Variants in ANXA1 observed in about 807,000 individuals in gnomAD.
ANXA1 encodes annexin A1.
In ANXA1, 39 loss-of-function variants were observed where a neutral mutation model predicts 47.9. That is an observed-to-expected ratio of 0.81 (90% CI 0.63 to 1.06). ANXA1 has a LOEUF of 1.06. Among genes scored for constraint, ANXA1 ranks in the 50% least tolerant of loss-of-function variants. The pLI is 0.00. For missense variants in ANXA1, 446 were observed against 422.7 expected, an observed-to-expected ratio of 1.06 and a Z score of -0.48; for synonymous variants, 146 against 142.5, an observed-to-expected ratio of 1.02 and a Z score of -0.17.
At position 73,160,792 on chromosome 9, in the gene ANXA1, T is replaced by C. The variant is rs761810199; in HGVS notation, c.385-11T>C. ...TTTCTACATTTATCCTTTTCTTCTC[T>C]TCAAATTTAGGGCCTTGGAACTGAT... On this transcript the variant is annotated splice_polypyrimidine_tract_variant and intron_variant, in intron 5 of 12. Coordinates refer to ENST00000257497, the MANE Select transcript of ANXA1 (RefSeq NM_000700.3). 15 of 1,599,892 alleles carry C rather than the reference T, an allele frequency of 9.4e-6. No homozygotes were observed. In the South Asian group the frequency reaches 1.5e-4, roughly 16 times the overall value.
chr9:73,158,470 G>A (rs1394372853), intron 1 of ANXA1, 52 bp from the exon 2 acceptor site: 1 of 1,377,886 alleles, frequency 7.3e-7, no homozygotes. Context: ...GGAAGGAGAG[G>A]TTGTGTGTGG....
intron 11 of ANXA1, 95 bp downstream of exon 11, chr9:73,167,650 T>A: frequency 9.1e-7 from 1 of 1,101,828 alleles, no homozygotes; most frequent in Non-Finnish European, 1.3e-6. Flanking sequence ...TCACATTTAA[T>A]ATCTTCCCAT....
At chr9:73,169,486 A>G (rs1465583289) in intron 12 of ANXA1, among the ~76,000 whole-genome samples, 1 of 152,166 alleles carries the variant, frequency 6.6e-6, no homozygotes, top group African/African-American at 2.4e-5. Flanking sequence ...AGAGGATTAG[A>G]AACTCCTTAT....
Position 73,159,612 on chromosome 9 carries a change from A to T in ANXA1, c.270+189A>T. 3 of 480,914 alleles carry T rather than the reference A, an allele frequency of 6.2e-6. No homozygotes were observed. In the South Asian group the frequency reaches 7.9e-5, roughly 13 times the overall value. 29.8% of individuals were successfully genotyped at this position (480,914 alleles called of 1,614,324 possible). Reference sequence around the variant, plus strand: ...ATTTTATCAAATTTCCTATTTTTATACATTAGTCATCTTGGTGTATATTGT... The same window carrying T: ...ATTTTATCAAATTTCCTATTTTTATTCATTAGTCATCTTGGTGTATATTGT... On this transcript the variant is annotated intron_variant, in intron 4 of 12. Transcript: ENST00000257497.
Position 73,158,693 on chromosome 9 carries a change from A to G in ANXA1, c.67-2A>G. 6.2e-7 allele frequency: 1 copy of G among 1,613,784 alleles called. No individual in the cohort carries two copies. The highest frequency in any genetic ancestry group is 1.1e-5 in the South Asian group (1 of 91,086). On this transcript the variant is annotated splice_acceptor_variant, in intron 2 of 12. Transcript: ENST00000257497. LOFTEE classifies it high-confidence loss of function. ...ATTAATTTATTTCTCTCTCATTCTT[A>G]GCAAACTGTGAAGTCATCCAAAGGT...
At chr9:73,164,262 A>C (rs544102171) in intron 8 of ANXA1, among the ~76,000 whole-genome samples, 3 of 152,318 alleles carry the variant, frequency 2.0e-5, no homozygotes, top group Non-Finnish European at 2.9e-5. Flanking sequence ...TATCATGTAC[A>C]TAATAGGCAC....
At chr9:73,163,897 G>A (rs914907055) in intron 8 of ANXA1, among the ~76,000 whole-genome samples, 4 of 151,994 alleles carry the variant, frequency 2.6e-5, no homozygotes, top group African/African-American at 7.2e-5. Context: ...CATATTTAAC[G>A]TTATTTTTAA....
intron 8 of ANXA1, among the ~76,000 whole-genome samples, 196 bp downstream of exon 8, chr9:73,163,728 C>G (rs574778173): frequency 4.6e-5 from 7 of 152,076 alleles, no homozygotes; most frequent in Non-Finnish European, 1.0e-4. Flanking sequence ...TTCAATATCT[C>G]TCATTATTCG....
chr9:73,166,624 C>T (rs1015440543), intron 10 of ANXA1, among the ~76,000 whole-genome samples: 1 of 152,094 alleles, frequency 6.6e-6, no homozygotes, highest in Admixed American at 6.6e-5. Context: ...GAGTTGGCCT[C>T]TAAAAATCGG....
At chr9:73,168,355 C>T (rs1824266996) in intron 11 of ANXA1, 1 of 152,050 alleles carries the variant, frequency 6.6e-6, no homozygotes, top group African/African-American at 2.4e-5. Context: ...TACCTGGTGC[C>T]ATGGAAGAGA....
In ANXA1 at chr9:73,151,935, G is replaced by C. The variant is rs529145380; in HGVS notation, c.-15+11G>C. The stretch of plus-strand genomic sequence containing the variant: ...AAGGTAGAGATAAAGGTAAGTCTTG[G>C]TTTTCCTTTTAGTTAGTTTTGGTTG... On this transcript the variant is annotated intron_variant, in intron 1 of 12. Transcript: ENST00000257497. The C allele has an allele frequency of 2.0e-5, 3 of 152,138 alleles. No individual in the cohort carries two copies. The highest frequency in any genetic ancestry group is 2.0e-4 in the Admixed American group (3 of 15,294). 9.4% of individuals were successfully genotyped at this position (152,138 alleles called of 1,614,324 possible).
chr9:73,159,474 A>C (rs1260057277), intron 4 of ANXA1, 51 bp downstream of exon 4: 2 of 1,522,434 alleles, frequency 1.3e-6, no homozygotes, highest in Non-Finnish European at 1.8e-6. Context: ...AGTTATACTT[A>C]ACCATGGATT....
intron 9 of ANXA1, chr9:73,165,538 A>C (rs868148713): frequency 2.0e-4 from 34 of 169,464 alleles, no homozygotes; most frequent in Non-Finnish European, 2.3e-4. Flanking sequence ...AAAACAAAAA[A>C]AAAAAAACAA....
rs1459033497 is a variant in ANXA1 at position 73,162,940 on chromosome 9, G to A, written c.555+79G>A. Reference sequence around the variant, plus strand: ...TAGTCCATTTTGTGTTGCTATAAGGGAATATCTGAGGCTAGGTAATTTTTA... The same window carrying A: ...TAGTCCATTTTGTGTTGCTATAAGGAAATATCTGAGGCTAGGTAATTTTTA... On this transcript the variant is annotated intron_variant, in intron 7 of 12. Coordinates refer to ENST00000257497, the MANE Select transcript of ANXA1 (RefSeq NM_000700.3). 3.6e-6 allele frequency: 4 copies of A among 1,121,054 alleles called. No individual in the cohort carries two copies. In the Admixed American group the frequency reaches 8.3e-5, roughly 23 times the overall value. The allele number at this position is 1,121,054 out of a possible 1,614,324, so 69.4% of individuals were successfully genotyped here.
intron 12 of ANXA1, among the ~76,000 whole-genome samples, chr9:73,169,727 A>T (rs895875333): frequency 6.6e-6 from 1 of 152,132 alleles, no homozygotes; most frequent in African/African-American, 2.4e-5. Flanking sequence ...TGGTGAGTGA[A>T]TCAGGTATCT....
intron 4 of ANXA1, 67 bp downstream of exon 4, chr9:73,159,490 G>T: frequency 7.2e-7 from 1 of 1,385,032 alleles, no homozygotes; most frequent in Non-Finnish European, 1.0e-6. Context: ...GGATTCGGAA[G>T]CACAGTTACC....
chr9:73,165,043 A>G, intron 8 of ANXA1, 73 bp from the exon 9 acceptor site: 1 of 1,232,742 alleles, frequency 8.1e-7, no homozygotes, highest in Non-Finnish European at 1.2e-6. Flanking sequence ...ATAATCTTTG[A>G]CAAGGTCTAA....
intron 8 of ANXA1, 150 bp from the exon 9 acceptor site, chr9:73,164,966 T>A: frequency 1.7e-6 from 1 of 581,130 alleles, no homozygotes; most frequent in East Asian, 3.0e-5. Flanking sequence ...AAGGTCCCTA[T>A]CTTTAAAGAA....
chr9:73,165,245 G>A lies in ANXA1; in HGVS notation c.706+36G>A, dbSNP rs760065766. On this transcript the variant is annotated intron_variant, in intron 9 of 12. Transcript: ENST00000257497. ...ATTTCTTTTTCTGGAATCTGTTTATGGAAGATGCAATTTTCTTTTTTGATG... is the reference window on the plus strand; with the variant it reads ...ATTTCTTTTTCTGGAATCTGTTTATAGAAGATGCAATTTTCTTTTTTGATG... 1.7e-5 allele frequency: 26 copies of A among 1,546,476 alleles called. No individual in the cohort carries two copies. In the African/African-American group the frequency reaches 3.0e-4, roughly 18 times the overall value.
Sources: gnomAD v4.1 joint callset for allele counts (sites outside exome capture counted in the v4.1 genomes callset) on GRCh38, gnomAD v4.1.1 for gene constraint, MANE v1.5 for transcripts, NCBI Gene and HGNC (gene_info 2026-07-23, HGNC 2026-07-21) for gene names.